CROCC2: variants seen among roughly 807,000 people sequenced by gnomAD.
CROCC2 encodes ciliary rootlet coiled-coil, rootletin family member 2, also known as ciliary rootlet coiled-coil protein 2.
Under a neutral mutation model 177.6 loss-of-function variants are expected in CROCC2, and 163 were observed. The ratio of observed to expected loss-of-function variants is 0.92; its 90% CI spans 0.81 to 1.05. The LOEUF is 1.05. CROCC2 is among the 50% of genes least tolerant of loss of function. The probability of loss-of-function intolerance (pLI) is 0.00; values close to 1 mark genes in which losing one functional copy is unlikely to be tolerated. For synonymous variants in CROCC2, 904 were observed against 787.3 expected (o/e 1.15, Z -2.48); for missense variants, 1,929 against 1,797.8 (o/e 1.07, Z -1.32).
At chr2:240,967,582 G>A (rs1450414017) in intron 26 of CROCC2, 117 bp downstream of exon 26, 34 of 1,492,538 alleles carry the variant, frequency 2.3e-5, no homozygotes, top group Non-Finnish European at 3.0e-5. Flanking sequence ...GGTGGGAAGG[G>A]AGCCTGGGGG....
rs1362886276 is a variant in CROCC2 at position 240,993,194 on chromosome 2, GAC to G, written c.*115_*116del. On this transcript the variant is annotated 3_prime_UTR_variant, in exon 32 of 32. Transcript: ENST00000690015. ...TCACAGTGAAAGGCACCCGTGATGAGACAGCTCGCTCTCGGCAGTTTCAGGAC... is the reference window on the plus strand; with the variant it reads ...TCACAGTGAAAGGCACCCGTGATGAGAGCTCGCTCTCGGCAGTTTCAGGAC... 5 of 665,808 alleles carry G rather than the reference GAC, an allele frequency of 7.5e-6. No individual in the cohort carries two copies. The African/African-American group carries it at 9.0e-5, about 12-fold the overall frequency. 41.2% of individuals were successfully genotyped at this position (665,808 alleles called of 1,614,324 possible).
chr2:240,949,203 C>T lies in CROCC2; in HGVS notation c.2482+106C>T. 6.9e-7 allele frequency: 1 copy of T among 1,442,084 alleles called. No individual in the cohort carries two copies. The highest frequency in any genetic ancestry group is 9.1e-7 in the Non-Finnish European group (1 of 1,102,712). The allele number at this position is 1,442,084 out of a possible 1,614,324, so 89.3% of individuals were successfully genotyped here. A position where few individuals can be genotyped will look rare whatever the true frequency, so the allele number is the denominator to read the frequency against. On this transcript the variant is annotated intron_variant, in intron 16 of 31. Coordinates refer to ENST00000690015, the MANE Select transcript of CROCC2 (RefSeq NM_001351305.2). This position sits in a 1 kb window ranked among gnomAD's most constrained non-coding sequence, Gnocchi z 4.5. ...CGTGCTGCACCCCCTCTCCGGAGCC[C>T]ACAGGGGCATGAACATGAGCTTGGA...
chr2:240,955,817 A>G, intron 18 of CROCC2, 42 bp from the exon 19 acceptor site: 2 of 1,439,736 alleles, frequency 1.4e-6, no homozygotes, highest in South Asian at 1.2e-5. Flanking sequence ...CCCTCCCCCG[A>G]GACTCCCCAA....
chr2:240,934,573 C>G, intron 12 of CROCC2, 98 bp downstream of exon 12: 2 of 1,272,294 alleles, frequency 1.6e-6, no homozygotes, highest in Non-Finnish European at 1.1e-6. Context: ...TCCTGCCTGC[C>G]GGGCCCCTCA....
At chr2:240,944,901 T>G (rs549872235) in intron 14 of CROCC2, among the ~76,000 whole-genome samples, 15 of 152,320 alleles carry the variant, frequency 9.8e-5, no homozygotes, top group Admixed American at 5.2e-4. Context: ...GATGCGATTC[T>G]TCTTCCAGAA....
At chr2:240,932,525 G>A (rs909873413) in intron 8 of CROCC2, 111 bp downstream of exon 8, 5 of 701,040 alleles carry the variant, frequency 7.1e-6, no homozygotes, top group African/African-American at 1.8e-5. Context: ...GCAGGGCAAG[G>A]TGGGGTCCCT....
chr2:240,933,752 GC>G lies in CROCC2; in HGVS notation c.1548del (p.Glu517ArgfsTer58). 6.5e-7 allele frequency: 1 copy of G among 1,549,950 alleles called. No homozygotes were observed. The highest frequency in any genetic ancestry group is 8.7e-7 in the Non-Finnish European group (1 of 1,146,844). Reference sequence around the variant, plus strand: ...AGATGCGGAGAAGCAGGGGCTGGAGGCCGAGGCTGCAGAGCTGCAGAGAAGC... The same window carrying G: ...AGATGCGGAGAAGCAGGGGCTGGAGGCGAGGCTGCAGAGCTGCAGAGAAGC... ...AADAEKQGLE[A>X]EAAELQRSLL... On this transcript the variant is annotated frameshift_variant, in exon 11 of 32. Coordinates refer to ENST00000690015, the MANE Select transcript of CROCC2 (RefSeq NM_001351305.2). LOFTEE classifies it high-confidence loss of function.
rs2059524006 is a variant in CROCC2, at chr2:240,946,286, C to T, written c.2363+33C>T. 21 of 1,495,700 alleles carry T rather than the reference C, an allele frequency of 1.4e-5. 1 individual carries two copies. Among genetic ancestry groups the T allele is most frequent in the Middle Eastern group, 1.8e-4 (1 of 5,424 alleles). The allele number at this position is 1,495,700 out of a possible 1,614,324, so 92.7% of individuals were successfully genotyped here. On this transcript the variant is annotated intron_variant, in intron 15 of 31. Transcript: ENST00000690015. ...AGGGCCTGCCAGTCAGGGCATGTCC[C>T]ACGTGTCCTTGCCCACAGAGAGTCT...
intron 1 of CROCC2, among the ~76,000 whole-genome samples, chr2:240,909,795 C>T (rs1231785559): frequency 1.3e-5 from 2 of 152,176 alleles, no homozygotes; most frequent in Non-Finnish European, 2.9e-5. Context: ...GATGCCATTA[C>T]CCCAGAGTGA....
Position 240,909,948 on chromosome 2 carries a change from T to G in CROCC2, c.78+3357T>G, listed in dbSNP as rs146757929. ...TGGCTTGAGGATGCAGGAGGCCCCCTGTGACCAGGGGTGGTGGCTCTGGAC... is the reference window on the plus strand; with the variant it reads ...TGGCTTGAGGATGCAGGAGGCCCCCGGTGACCAGGGGTGGTGGCTCTGGAC... On this transcript the variant is annotated intron_variant, in intron 1 of 31. Coordinates refer to ENST00000690015, the MANE Select transcript of CROCC2 (RefSeq NM_001351305.2). 1.8e-3 allele frequency among the ~76,000 whole-genome samples: 281 copies of G among 152,192 alleles called. 2 individuals carry two copies. The East Asian group carries it at 0.028, about 15-fold the overall frequency.
intron 20 of CROCC2, 50 bp from the exon 21 acceptor site, chr2:240,963,506 C>G (rs2059656607): frequency 6.2e-6 from 9 of 1,463,302 alleles, no homozygotes; most frequent in Non-Finnish European, 8.2e-6. Flanking sequence ...GTGGCTATCC[C>G]TGGAGCAGTG....
In CROCC2 at chr2:240,953,626, G is replaced by A. The variant is rs547557205; in HGVS notation, c.2830-2233G>A. Among the ~76,000 whole-genome samples the A allele has an allele frequency of 6.6e-6, 1 of 152,180 alleles. No homozygotes were observed. The highest frequency in any genetic ancestry group is 1.5e-5 in the Non-Finnish European group (1 of 68,022). ...GGCCAGCTGCCCTTTATTCTTGGCG[G>A]CCTGTGTAGAGAAATTGAGTGGAGA... is the stretch of plus-strand genomic sequence containing the variant. On this transcript the variant is annotated intron_variant, in intron 18 of 31. Coordinates refer to ENST00000690015, the MANE Select transcript of CROCC2 (RefSeq NM_001351305.2). The surrounding 1 kb of genome is among the most constrained non-coding windows in gnomAD (Gnocchi z 4.0).
rs889892129 is a variant in CROCC2, at chr2:240,946,260, A to G, written c.2363+7A>G. 3.3e-6 allele frequency: 5 copies of G among 1,521,030 alleles called. No individual in the cohort carries two copies. The highest frequency in any genetic ancestry group is 2.0e-5 in the Admixed American group (1 of 50,100). The allele number at this position is 1,521,030 out of a possible 1,614,324, so 94.2% of individuals were successfully genotyped here. On this transcript the variant is annotated splice_region_variant and intron_variant, in intron 15 of 31. Transcript: ENST00000690015. Reference sequence around the variant, plus strand: ...AAGAGGCAGCTGATCTCAGGTATGCAAGGGCCTGCCAGTCAGGGCATGTCC... The same window carrying G: ...AAGAGGCAGCTGATCTCAGGTATGCGAGGGCCTGCCAGTCAGGGCATGTCC...
Position 240,970,573 on chromosome 2 carries a change from C to A in CROCC2, c.4401+2311C>A, listed in dbSNP as rs563099938. ...GCTGGGCCAGGACAGCGCCCTGCCC[C>A]CTCCAGGGGCCGAGGGTCTTGTCCC... On this transcript the variant is annotated intron_variant, in intron 27 of 31. Transcript: ENST00000690015. Among the ~76,000 whole-genome samples, 4 of 152,344 alleles carry A rather than the reference C, an allele frequency of 2.6e-5. No homozygotes were observed. The East Asian group carries it at 7.7e-4, about 29-fold the overall frequency.
At chr2:240,976,249 G>A (rs2059764376) in intron 27 of CROCC2, among the ~76,000 whole-genome samples, 1 of 105,598 alleles carries the variant, frequency 9.5e-6, no homozygotes, top group African/African-American at 3.6e-5. Context: ...AGTCTCTGGG[G>A]TAGGAGCCTC....
chr2:240,960,154 C>G lies in CROCC2; in HGVS notation c.3087+710C>G, dbSNP rs2059621877. Among the ~76,000 whole-genome samples the G allele has an allele frequency of 3.3e-5, 5 of 152,358 alleles. No individual in the cohort carries two copies. The South Asian group carries it at 1.0e-3, about 32-fold the overall frequency. On this transcript the variant is annotated intron_variant, in intron 20 of 31. Coordinates refer to ENST00000690015, the MANE Select transcript of CROCC2 (RefSeq NM_001351305.2). This position sits in a 1 kb window ranked among gnomAD's most constrained non-coding sequence, Gnocchi z 5.0. ...CCTGGGGCGAAGGGGAATTCGGACCCTTGGCCAAGAGGCCCATCGAGCCAT... is the reference window on the plus strand; with the variant it reads ...CCTGGGGCGAAGGGGAATTCGGACCGTTGGCCAAGAGGCCCATCGAGCCAT...
chr2:240,946,607 T>C (rs556712902), intron 15 of CROCC2, among the ~76,000 whole-genome samples: 37 of 152,332 alleles, frequency 2.4e-4, no homozygotes, highest in Middle Eastern at 3.4e-3. Context: ...ACTCCCACAG[T>C]GCCCTCAGAA....
intron 21 of CROCC2, 26 bp from the exon 22 acceptor site, chr2:240,964,440 G>A (rs932177572): frequency 4.5e-6 from 7 of 1,548,060 alleles, no homozygotes; most frequent in African/African-American, 1.4e-5. Context: ...AGGTGCGGGG[G>A]CCCCAGCCTG....
At chr2:240,951,019 C>T (rs1477773343) in intron 18 of CROCC2, 1 of 153,878 alleles carries the variant, frequency 6.5e-6, no homozygotes, top group African/African-American at 2.5e-5. Flanking sequence ...ACCCATTCAC[C>T]TCCTCATCCA....
Sources: gnomAD v4.1 joint callset for allele counts (sites outside exome capture counted in the v4.1 genomes callset) on GRCh38, gnomAD v4.1.1 for gene constraint, Gnocchi (gnomAD v3.1) non-coding constraint, MANE v1.5 for transcripts, NCBI Gene and HGNC (gene_info 2026-07-23, HGNC 2026-07-21) for gene names.